PHF21B: variants seen among roughly 807,000 people sequenced by gnomAD.
PHF21B encodes PHD finger protein 4.
In PHF21B, 22 loss-of-function variants were observed where a neutral mutation model predicts 62.2. That is an observed-to-expected ratio of 0.35 (90% confidence interval 0.25 to 0.51). The LOEUF (loss-of-function observed/expected upper bound fraction) is 0.51, where lower values mean the gene tolerates loss of function less well. PHF21B is among the 20% of genes least tolerant of loss of function. The pLI is 0.97. For missense variants in PHF21B, 701 were observed against 707.9 expected, an observed-to-expected ratio of 0.99 and a Z score of 0.11; for synonymous variants, 341 against 314.7, an observed-to-expected ratio of 1.08 and a Z score of -0.88.
chr22:44,948,000 C>T (rs543036412), intron 2 of PHF21B, among the ~76,000 whole-genome samples: 2 of 152,246 alleles, frequency 1.3e-5, no homozygotes, highest in South Asian at 2.1e-4. Flanking sequence ...CCCTCCTCCC[C>T]GCTGTTGTCC....
intron 9 of PHF21B, 56 bp downstream of exon 9, chr22:44,889,704 G>A (rs947590527): frequency 1.9e-6 from 3 of 1,565,618 alleles, no homozygotes; most frequent in Non-Finnish European, 1.7e-6. Flanking sequence ...TATGAGGACT[G>A]TACTGAAAAC....
Position 44,914,101 on chromosome 22 carries a change from G to T in PHF21B, c.565-13C>A. 1 of 804,026 alleles carries T rather than the reference G, an allele frequency of 1.2e-6. No individual in the cohort carries two copies. The highest frequency in any genetic ancestry group is 2.0e-6 in the Non-Finnish European group (1 of 500,842). 49.8% of individuals were successfully genotyped at this position (804,026 alleles called of 1,614,324 possible). A position where few individuals can be genotyped will look rare whatever the true frequency, so the allele number is the denominator to read the frequency against. ...GGCGTGGAGGAGGCTGGAGAGCGAG[G>T]GTGAGGGGCACAGGGAGGAAGGGAA... On this transcript the variant is annotated splice_polypyrimidine_tract_variant and intron_variant, in intron 4 of 12. Transcript: ENST00000313237.
At chr22:44,966,499 G>C (rs1164284304) in intron 2 of PHF21B, among the ~76,000 whole-genome samples, 2 of 152,194 alleles carry the variant, frequency 1.3e-5, no homozygotes, top group African/African-American at 4.8e-5. Flanking sequence ...CCCAGCACTG[G>C]AGATGCAAGA....
chr22:44,945,774 G>A (rs544075985), intron 2 of PHF21B, among the ~76,000 whole-genome samples: 2 of 151,926 alleles, frequency 1.3e-5, no homozygotes, highest in Admixed American at 1.3e-4. Context: ...GAAGCTGTGG[G>A]TAAGCACGAG....
intron 2 of PHF21B, among the ~76,000 whole-genome samples, chr22:44,993,767 C>T (rs2073077550): frequency 6.6e-6 from 1 of 152,206 alleles, no homozygotes; most frequent in Non-Finnish European, 1.5e-5. Context: ...CTATTTAGGT[C>T]GGCTGTGCTT....
chr22:44,948,928 T>C lies in PHF21B; in HGVS notation c.121-28438A>G, dbSNP rs547245937. On this transcript the variant is annotated intron_variant, in intron 2 of 12. Transcript: ENST00000313237. ...AGACAAAGGTGATTCGCGTGGCTTA[T>C]CCACAAATGGGTCACAGATCCATTC... is the stretch of plus-strand genomic sequence containing the variant. Among the ~76,000 whole-genome samples the C allele has an allele frequency of 2.2e-4, 34 of 152,372 alleles. 1 individual carries two copies. The South Asian group carries it at 7.0e-3, about 32-fold the overall frequency.
intron 2 of PHF21B, among the ~76,000 whole-genome samples, chr22:44,982,115 C>G (rs2072854141): frequency 6.6e-6 from 1 of 152,240 alleles, no homozygotes. Flanking sequence ...CAGGTTCTCT[C>G]CTGGTTCTGC....
chr22:44,994,413 C>T (rs974940575), intron 2 of PHF21B, among the ~76,000 whole-genome samples: 2 of 152,222 alleles, frequency 1.3e-5, no homozygotes, highest in African/African-American at 4.8e-5. Flanking sequence ...GTCTTCAAGC[C>T]AAGGACTTCC....
intron 2 of PHF21B, among the ~76,000 whole-genome samples, chr22:44,955,073 G>A (rs896388002): frequency 3.3e-5 from 5 of 152,210 alleles, no homozygotes; most frequent in Admixed American, 6.5e-5. Flanking sequence ...GTGCAGCTGC[G>A]TCCAGCCTGA....
chr22:44,893,073 G>A (rs1316538497), intron 7 of PHF21B, among the ~76,000 whole-genome samples: 2 of 152,014 alleles, frequency 1.3e-5, no homozygotes, highest in Non-Finnish European at 1.5e-5. Context: ...TCCCAGCCAT[G>A]AGCCAACTGC....
At chr22:44,992,796 C>T (rs2073062396) in intron 2 of PHF21B, among the ~76,000 whole-genome samples, 1 of 152,172 alleles carries the variant, frequency 6.6e-6, no homozygotes, top group Non-Finnish European at 1.5e-5. Flanking sequence ...TGACGCTGAC[C>T]CCCCAGAGAG....
intron 2 of PHF21B, among the ~76,000 whole-genome samples, chr22:44,978,652 C>A (rs528632140): frequency 1.3e-5 from 2 of 152,322 alleles, no homozygotes; most frequent in East Asian, 3.9e-4. Flanking sequence ...AGCCACCACG[C>A]CCAGCCTCCC....
intron 2 of PHF21B, among the ~76,000 whole-genome samples, chr22:44,973,100 A>G (rs2072670432): frequency 6.6e-6 from 1 of 152,142 alleles, no homozygotes; most frequent in Non-Finnish European, 1.5e-5. Flanking sequence ...CCCCACCCCC[A>G]GTCATCACAG....
chr22:45,007,724 G>A (rs1487022553), intron 2 of PHF21B, among the ~76,000 whole-genome samples: 512 of 22,978 alleles, frequency 0.022, 4 homozygotes, highest in African/African-American at 0.052. Context: ...AGGGGCGGGT[G>A]TGCGAGTGCG....
At chr22:44,910,038 T>A (rs2071318384) in intron 5 of PHF21B, among the ~76,000 whole-genome samples, 1 of 152,180 alleles carries the variant, frequency 6.6e-6, no homozygotes, top group African/African-American at 2.4e-5. Context: ...TCCCTAGCCT[T>A]TGGCACGGAG....
intron 8 of PHF21B, among the ~76,000 whole-genome samples, chr22:44,890,282 G>A (rs1601566711): frequency 6.6e-6 from 1 of 152,180 alleles, no homozygotes; most frequent in Admixed American, 6.5e-5. Flanking sequence ...ACCCCTCAAA[G>A]TGACTTATTT....
At chr22:44,987,023 T>G (rs896912551) in intron 2 of PHF21B, among the ~76,000 whole-genome samples, 1 of 152,180 alleles carries the variant, frequency 6.6e-6, no homozygotes, top group African/African-American at 2.4e-5. Context: ...CGAGAGAGGC[T>G]AAGAAGACAT....
chr22:44,916,518 G>C lies in PHF21B; in HGVS notation c.326C>G (p.Pro109Arg). ...QKATVVSVKN[P>R]SPALPTANNT... Reference sequence around the variant, plus strand: ...GTTGGCGGTGGGGAGGGCTGGGCTGGGGTTCTTGACGCTGACCACGGTGGC... The same window carrying C: ...GTTGGCGGTGGGGAGGGCTGGGCTGCGGTTCTTGACGCTGACCACGGTGGC... Residue 109 changes from proline to arginine, a missense_variant, in exon 4 of 13, where the codon CCC (proline) becomes CGC (arginine). Pro to Arg is a moderately radical substitution (Grantham distance 103, BLOSUM62 -2). Transcript: ENST00000313237. 6.2e-7 allele frequency: 1 copy of C among 1,609,570 alleles called. No homozygotes were observed.
intron 2 of PHF21B, among the ~76,000 whole-genome samples, chr22:45,001,554 C>T (rs1032196174): frequency 2.6e-5 from 4 of 152,210 alleles, no homozygotes; most frequent in Admixed American, 2.6e-4. Context: ...TCCCCAACTG[C>T]ATGTGAAAAC....
Sources: gnomAD v4.1 joint callset for allele counts (sites outside exome capture counted in the v4.1 genomes callset) on GRCh38, gnomAD v4.1.1 for gene constraint, MANE v1.5 for transcripts, NCBI Gene and HGNC (gene_info 2026-07-23, HGNC 2026-07-21) for gene names.